Variants in U2SURP observed in about 807,000 individuals in gnomAD.
U2SURP encodes the protein U2 snRNP-associated SURP motif-containing protein.
U2SURP carries 9 observed loss-of-function variants against 144.9 expected under a neutral mutation model. That is an observed-to-expected ratio of 0.06 (90% CI 0.04 to 0.11). The LOEUF is 0.11. Ranked by LOEUF, U2SURP falls within the 10% of genes least tolerant of loss-of-function variation. U2SURP has a pLI of 1.00. For synonymous variants in U2SURP, 408 were observed against 396.8 expected (o/e 1.03, Z -0.33); for missense variants, 724 against 1,226.7 (o/e 0.59, Z 6.12).
intron 6 of U2SURP, among the ~76,000 whole-genome samples, chr3:143,018,580 G>A (rs1051177997): frequency 3.3e-5 from 5 of 151,808 alleles, no homozygotes; most frequent in African/African-American, 4.8e-5. Flanking sequence ...TACACACACC[G>A]AGAAGTGGAA....
Position 143,033,276 on chromosome 3 carries a change from C to A in U2SURP, c.1779C>A (p.Ala593=). The part of the protein sequence containing the change: ...ILKTPLPKKI[A]RLYLVSDVLY... ...GTTATCTTTTGATATTATAGATTGC[C>A]AGATTATATTTGGTTTCTGATGTTT... is the stretch of plus-strand genomic sequence containing the variant. Residue 593 remains alanine (A), a synonymous_variant, in exon 18 of 28, where the codon GCC becomes GCA. Transcript: ENST00000473835. The A allele has an allele frequency of 6.5e-7, 1 of 1,534,256 alleles. No homozygotes were observed.
At chr3:143,032,372 G>A (rs1238809781) in intron 16 of U2SURP, among the ~76,000 whole-genome samples, 1 of 152,116 alleles carries the variant, frequency 6.6e-6, no homozygotes, top group African/African-American at 2.4e-5. Flanking sequence ...CACCCAGCCA[G>A]TCTTTTCCTT....
At chr3:143,031,175 TC>T (rs1933460236) in intron 16 of U2SURP, among the ~76,000 whole-genome samples, 2 of 152,172 alleles carry the variant, frequency 1.3e-5, no homozygotes, top group Admixed American at 6.5e-5. Context: ...GGAATGTATT[TC>T]TGATGAAGAA....
intron 22 of U2SURP, 143 bp downstream of exon 22, chr3:143,038,346 A>ATGCTTT (rs1933921472): frequency 1.6e-6 from 1 of 617,258 alleles, no homozygotes; most frequent in African/African-American, 1.9e-5. Flanking sequence ...TGTCTAATGT[A>ATGCTTT]TGCTTTTATT....
At chr3:143,013,051 A>T (rs949054559) in intron 3 of U2SURP, among the ~76,000 whole-genome samples, 5 of 151,874 alleles carry the variant, frequency 3.3e-5, no homozygotes, top group Non-Finnish European at 7.4e-5. Context: ...TTAGTTATAA[A>T]TTTTTTTTCA....
chr3:143,035,001 G>C, intron 19 of U2SURP, 26 bp downstream of exon 19: 1 of 783,990 alleles, frequency 1.3e-6, no homozygotes, highest in Non-Finnish European at 1.8e-6. Context: ...TACTATTTTT[G>C]CCCTAGTGTT....
intron 3 of U2SURP, among the ~76,000 whole-genome samples, chr3:143,013,366 A>G (rs573427898): frequency 7.2e-5 from 11 of 152,222 alleles, no homozygotes; most frequent in African/African-American, 2.6e-4. Flanking sequence ...CTTTTAGGTT[A>G]TAAACTGCTT....
intron 1 of U2SURP, among the ~76,000 whole-genome samples, chr3:143,007,301 T>C (rs904835760): frequency 2.6e-5 from 4 of 151,858 alleles, no homozygotes; most frequent in East Asian, 1.9e-4. Context: ...TTTTTTTTTT[T>C]CCAGAGACAG....
At chr3:143,055,680 G>A (rs1029385390) in intron 27 of U2SURP, among the ~76,000 whole-genome samples, 23 of 151,756 alleles carry the variant, frequency 1.5e-4, no homozygotes, top group Non-Finnish European at 3.2e-4. Context: ...CTTTATTATT[G>A]TAACTATTTT....
chr3:143,047,056 CCA>C, intron 24 of U2SURP, among the ~76,000 whole-genome samples: 1 of 120,052 alleles, frequency 8.3e-6, no homozygotes, highest in Non-Finnish European at 1.7e-5. Context: ...ACTGACCCCC[CCA>C]CCTCCCTCCC....
intron 6 of U2SURP, among the ~76,000 whole-genome samples, chr3:143,018,818 G>A (rs529210218): frequency 7.4e-4 from 112 of 152,168 alleles, no homozygotes; most frequent in Non-Finnish European, 1.5e-4. Context: ...CCAGCTACTC[G>A]GGAGGCTGAG....
rs760796982 is a variant in U2SURP at position 143,021,310 on chromosome 3, T to G, written c.734-40T>G. 3 of 1,559,246 alleles carry G rather than the reference T, an allele frequency of 1.9e-6. No homozygotes were observed. In the Admixed American group the frequency reaches 5.8e-5, roughly 30 times the overall value. On this transcript the variant is annotated intron_variant, in intron 8 of 27. Transcript: ENST00000473835. ...GTGAGGGTAAGGGGGGACTACTGTA[T>G]TATAAAAACTAATAATTGTCTTCTT... is the stretch of plus-strand genomic sequence containing the variant.
chr3:143,012,024 G>T, intron 2 of U2SURP, 198 bp from the exon 3 acceptor site: 1 of 702,138 alleles, frequency 1.4e-6, no homozygotes, highest in African/African-American at 1.8e-5. Context: ...ATTCAAGCTT[G>T]TGAGTTAGAG....
At chr3:143,007,323 A>C (rs574862747) in intron 1 of U2SURP, among the ~76,000 whole-genome samples, 1 of 143,990 alleles carries the variant, frequency 6.9e-6, no homozygotes, top group Non-Finnish European at 1.5e-5. Flanking sequence ...GGTTCTTGCT[A>C]TGTTGCCCAG....
chr3:143,026,959 A>C, intron 13 of U2SURP, 190 bp from the exon 14 acceptor site: 1 of 456,814 alleles, frequency 2.2e-6, no homozygotes, highest in Non-Finnish European at 3.9e-6. Context: ...CCACTTCCCT[A>C]CTCCCACTGC....
At chr3:143,026,218 C>T (rs1933137815) in intron 13 of U2SURP, 1 of 151,962 alleles carries the variant, frequency 6.6e-6, no homozygotes, top group African/African-American at 2.4e-5. Context: ...GATTTTAGGA[C>T]CCAGCTTCAG....
chr3:143,039,733 T>C (rs1934002550), intron 23 of U2SURP, among the ~76,000 whole-genome samples: 2 of 151,800 alleles, frequency 1.3e-5, no homozygotes, highest in Non-Finnish European at 3.0e-5. Flanking sequence ...AACCCCTGTG[T>C]GTCCTAGCAC....
intron 24 of U2SURP, among the ~76,000 whole-genome samples, chr3:143,046,060 T>C (rs1934414589): frequency 2.0e-5 from 3 of 152,084 alleles, no homozygotes; most frequent in Admixed American, 2.0e-4. Context: ...TAAATCAGTT[T>C]CTCCAATTAG....
At chr3:143,053,567 G>A (rs968554831) in intron 25 of U2SURP, 109 bp from the exon 26 acceptor site, 10 of 778,736 alleles carry the variant, frequency 1.3e-5, no homozygotes, top group Non-Finnish European at 1.9e-5. Flanking sequence ...TGTACCTTAA[G>A]TAGTAATTTA....
Sources: gnomAD v4.1 joint callset for allele counts (sites outside exome capture counted in the v4.1 genomes callset) on GRCh38, gnomAD v4.1.1 for gene constraint, MANE v1.5 for transcripts, NCBI Gene and HGNC (gene_info 2026-07-23, HGNC 2026-07-21) for gene names.